WWOX: variants seen among roughly 807,000 people sequenced by gnomAD.
WWOX encodes WW domain containing oxidoreductase, also known as WW domain-containing oxidoreductase.
In WWOX, 69 loss-of-function variants were observed where a neutral mutation model predicts 46.2. The observed-to-expected ratio is 1.49, with a 90% confidence interval of 1.23 to 1.82. The LOEUF is 1.82. Among genes scored for constraint, WWOX ranks in the 40% most tolerant of loss-of-function variants. WWOX has a pLI of 0.00. For synonymous variants in WWOX, 359 were observed against 202.6 expected, an observed-to-expected ratio of 1.77 and a Z score of -6.56; for missense variants, 919 against 542.6, an observed-to-expected ratio of 1.69 and a Z score of -6.89.
intron 8 of WWOX, among the ~76,000 whole-genome samples, chr16:78,705,796 A>C (rs2048316342): frequency 6.6e-6 from 1 of 152,196 alleles, no homozygotes; most frequent in African/African-American, 2.4e-5. Flanking sequence ...TTGAAAACAA[A>C]ATGAAAAAAC....
chr16:78,345,758 G>A (rs12597788), intron 5 of WWOX, among the ~76,000 whole-genome samples: 29,764 of 115,872 alleles, frequency 0.26, 9,903 homozygotes, highest in African/African-American at 0.48. Context: ...AACTCTGAAA[G>A]CAGAGTGGGC....
intron 8 of WWOX, among the ~76,000 whole-genome samples, chr16:78,642,391 C>G (rs2046740922): frequency 6.6e-6 from 1 of 152,102 alleles, no homozygotes; most frequent in South Asian, 2.1e-4. Flanking sequence ...TCCTTTTTTG[C>G]TCAAAGTCTC....
At chr16:79,178,206 T>A (rs924979841) in intron 8 of WWOX, among the ~76,000 whole-genome samples, 12 of 152,124 alleles carry the variant, frequency 7.9e-5, no homozygotes, top group African/African-American at 2.7e-4. Context: ...CCATGGACAA[T>A]ACACAAATGA....
intron 8 of WWOX, among the ~76,000 whole-genome samples, chr16:78,692,027 G>C (rs933780322): frequency 1.1e-4 from 16 of 152,206 alleles, no homozygotes; most frequent in African/African-American, 3.9e-4. Context: ...CATGTAAGAA[G>C]TGCCTTTTGC....
intron 8 of WWOX, among the ~76,000 whole-genome samples, chr16:78,827,370 G>A (rs972945961): frequency 6.6e-6 from 1 of 152,102 alleles, no homozygotes; most frequent in Non-Finnish European, 1.5e-5. Context: ...GTAAGGCTCG[G>A]TGTCATCAAC....
chr16:78,942,122 C>A (rs936758972), intron 8 of WWOX, among the ~76,000 whole-genome samples: 2 of 152,252 alleles, frequency 1.3e-5, no homozygotes, highest in South Asian at 2.1e-4. Flanking sequence ...AACACGGAAG[C>A]GCCCTCCTTT....
intron 8 of WWOX, among the ~76,000 whole-genome samples, chr16:78,972,481 A>AT (rs1020654618): frequency 1.2e-4 from 18 of 152,002 alleles, no homozygotes; most frequent in African/African-American, 4.4e-4. Context: ...AAAAAAAAAA[A>AT]AAATAAAAGA....
chr16:78,974,586 C>T (rs1398323167), intron 8 of WWOX, among the ~76,000 whole-genome samples: 1 of 152,160 alleles, frequency 6.6e-6, no homozygotes, highest in African/African-American at 2.4e-5. Flanking sequence ...GGAATTATTT[C>T]AGTTTTGTTT....
chr16:78,787,543 A>G (rs906971546), intron 8 of WWOX, among the ~76,000 whole-genome samples: 3 of 152,106 alleles, frequency 2.0e-5, no homozygotes, highest in African/African-American at 4.8e-5. Flanking sequence ...TGGATATACC[A>G]CTTTTTGTTT....
intron 8 of WWOX, among the ~76,000 whole-genome samples, chr16:78,797,951 G>A (rs764585851): frequency 5.9e-5 from 9 of 152,198 alleles, no homozygotes; most frequent in Non-Finnish European, 1.3e-4. Context: ...TCACACCACT[G>A]CCCTCAACCC....
At chr16:78,747,751 C>A (rs375418134) in intron 8 of WWOX, among the ~76,000 whole-genome samples, 1 of 152,198 alleles carries the variant, frequency 6.6e-6, no homozygotes, top group Non-Finnish European at 1.5e-5. Flanking sequence ...GCTTATCCAG[C>A]CTACAGAGGA....
chr16:78,489,733 G>A (rs939817271), intron 8 of WWOX, among the ~76,000 whole-genome samples: 2 of 152,118 alleles, frequency 1.3e-5, no homozygotes, highest in African/African-American at 2.4e-5. Flanking sequence ...GCCGTTCTGG[G>A]TTCACTGGGA....
intron 4 of WWOX, among the ~76,000 whole-genome samples, chr16:78,128,885 G>A (rs969120054): frequency 6.6e-6 from 1 of 152,204 alleles, no homozygotes; most frequent in Non-Finnish European, 1.5e-5. Flanking sequence ...TCTATCAGCT[G>A]AGAGATCATC....
intron 5 of WWOX, among the ~76,000 whole-genome samples, chr16:78,231,817 C>T (rs2037274665): frequency 6.6e-6 from 1 of 152,116 alleles, no homozygotes. Context: ...TTGAGGAGGC[C>T]TTCCCATTGC....
intron 8 of WWOX, among the ~76,000 whole-genome samples, chr16:78,702,404 A>G (rs932089489): frequency 1.3e-5 from 2 of 152,054 alleles, no homozygotes; most frequent in African/African-American, 4.8e-5. Flanking sequence ...AATTCCCAGT[A>G]CTTTGTGAGG....
At chr16:78,646,548 C>G (rs2046849278) in intron 8 of WWOX, among the ~76,000 whole-genome samples, 1 of 152,120 alleles carries the variant, frequency 6.6e-6, no homozygotes, top group Non-Finnish European at 1.5e-5. Flanking sequence ...TGGCCTCAGC[C>G]TCTCTGGTAG....
intron 8 of WWOX, among the ~76,000 whole-genome samples, chr16:78,519,050 T>C (rs1044688348): frequency 1.3e-5 from 2 of 152,240 alleles, no homozygotes; most frequent in Non-Finnish European, 2.9e-5. Flanking sequence ...TTTTCTAATT[T>C]AATCTTATAC....
intron 4 of WWOX, among the ~76,000 whole-genome samples, chr16:78,144,438 T>TATATAC (rs2034098810): frequency 1.2e-4 from 2 of 16,732 alleles, no homozygotes; most frequent in African/African-American, 7.9e-4. Flanking sequence ...ACTATATATA[T>TATATAC]ATATATATAC....
intron 8 of WWOX, among the ~76,000 whole-genome samples, chr16:78,737,974 A>G (rs1228396862): frequency 2.0e-5 from 3 of 152,162 alleles, no homozygotes; most frequent in Non-Finnish European, 2.9e-5. Context: ...AGGCACCAAC[A>G]TGAGTCCATG....
Sources: gnomAD v4.1 joint callset for allele counts (sites outside exome capture counted in the v4.1 genomes callset) on GRCh38, gnomAD v4.1.1 for gene constraint, MANE v1.5 for transcripts, NCBI Gene and HGNC (gene_info 2026-07-23, HGNC 2026-07-21) for gene names.